The following CBFA2T2 variants were observed in gnomAD, a reference collection of about 807,000 sequenced individuals.
CBFA2T2 encodes CBFA2/RUNX1 partner transcriptional co-repressor 2.
Under a neutral mutation model 62.2 loss-of-function variants are expected in CBFA2T2, and 11 were observed. That is an observed-to-expected ratio of 0.18 (90% CI 0.11 to 0.29). The LOEUF (loss-of-function observed/expected upper bound fraction) is 0.29, where lower values mean the gene tolerates loss of function less well. Among genes scored for constraint, CBFA2T2 ranks in the 10% least tolerant of loss-of-function variants. The probability of loss-of-function intolerance (pLI) is 1.00; values close to 1 mark genes in which losing one functional copy is unlikely to be tolerated. For synonymous variants in CBFA2T2, 295 were observed against 287.5 expected (o/e 1.03, Z -0.27); for missense variants, 592 against 774.1 (o/e 0.76, Z 2.79).
chr20:33,613,532 T>C (rs1008166323), intron 3 of CBFA2T2, among the ~76,000 whole-genome samples: 9 of 152,214 alleles, frequency 5.9e-5, no homozygotes, highest in South Asian at 2.1e-4. Flanking sequence ...ATATATGCAG[T>C]GTTTCTGTCA....
intron 1 of CBFA2T2, among the ~76,000 whole-genome samples, chr20:33,548,942 G>T (rs903972936): frequency 6.6e-6 from 1 of 151,890 alleles, no homozygotes; most frequent in African/African-American, 2.4e-5. Context: ...CATCCTGGAT[G>T]ATAGAGCAAG....
At chr20:33,497,755 G>A (rs1206289745) in intron 1 of CBFA2T2, among the ~76,000 whole-genome samples, 1 of 151,820 alleles carries the variant, frequency 6.6e-6, no homozygotes, top group Non-Finnish European at 1.5e-5. Context: ...TCACCATGTT[G>A]GCCAGGCTAG....
rs952295595 is a variant in CBFA2T2 at position 33,491,681 on chromosome 20, GTACAGCA to G, written c.34+1382_34+1388del. Among the ~76,000 whole-genome samples the G allele has an allele frequency of 6.6e-5, 10 of 152,088 alleles. No homozygotes were observed. In the East Asian group the frequency reaches 1.4e-3, roughly 21 times the overall value. On this transcript the variant is annotated intron_variant, in intron 1 of 10. Transcript: ENST00000342704. The stretch of plus-strand genomic sequence containing the variant: ...TGATTACTCTTTTAGGCTTGCAAAG[GTACAGCA>G]TCTCTGTAAAATGAAAGGCTTTTTT...
chr20:33,499,533 CCTCTGT>C (rs2011244516), intron 1 of CBFA2T2, among the ~76,000 whole-genome samples: 1 of 152,170 alleles, frequency 6.6e-6, no homozygotes, highest in African/African-American at 2.4e-5. Context: ...TAGCTTTTTG[CCTCTGT>C]CTCTGGTTTC....
Position 33,644,377 on chromosome 20 carries a change from G to A in CBFA2T2, c.1519G>A (p.Glu507Lys), listed in dbSNP as rs773135856. ...NCWNCGRKAS[E>K]TCSGCNIARY... ...CTGGAACTGTGGCCGCAAAGCCAGC[G>A]AGACATGCAGTGGCTGCAATATCGC... The change falls in exon 11 of 11, where the codon GAG becomes AAG. Residue 507 changes from glutamate (E) to lysine (K), a missense_variant. Glu to Lys is a moderately conservative substitution (Grantham distance 56, BLOSUM62 1). Transcript: ENST00000342704. 35 of 1,612,732 alleles carry A rather than the reference G, an allele frequency of 2.2e-5. 1 individual carries two copies. Among genetic ancestry groups the A allele is most frequent in the South Asian group, 1.2e-4 (11 of 91,054 alleles).
intron 1 of CBFA2T2, among the ~76,000 whole-genome samples, chr20:33,513,694 A>G (rs796400133): frequency 4.8e-5 from 7 of 146,436 alleles, no homozygotes; most frequent in African/African-American, 1.7e-4. Flanking sequence ...GGTGCCTGTA[A>G]TCCCAGCTAC....
intron 1 of CBFA2T2, among the ~76,000 whole-genome samples, chr20:33,530,415 T>G (rs2012023403): frequency 1.3e-5 from 2 of 152,110 alleles, no homozygotes; most frequent in South Asian, 4.2e-4. Context: ...TTAGGTCTGA[T>G]GCCCATTGTT....
chr20:33,594,092 ATAGT>A lies in CBFA2T2; in HGVS notation c.35-12860_35-12857del, dbSNP rs1216638436. 4.6e-5 allele frequency among the ~76,000 whole-genome samples: 7 copies of A among 152,242 alleles called. No individual in the cohort carries two copies. The East Asian group carries it at 9.6e-4, about 21-fold the overall frequency. On this transcript the variant is annotated intron_variant, in intron 1 of 10. Coordinates refer to ENST00000342704, the MANE Select transcript of CBFA2T2 (RefSeq NM_001032999.3). ...GGGGTTAAAAGCAGAAGCAGAAAGA[ATAGT>A]TAGGAGGCAGATGAAGCAGTCCAGG...
chr20:33,612,866 G>A (rs1429528776), intron 3 of CBFA2T2, among the ~76,000 whole-genome samples: 1 of 152,166 alleles, frequency 6.6e-6, no homozygotes. Flanking sequence ...TGGGAGGATT[G>A]CTTGGATGCA....
At position 33,644,721 on chromosome 20, in the gene CBFA2T2, C is replaced by A. The variant is rs2016991236; in HGVS notation, c.*75C>A. On this transcript the variant is annotated 3_prime_UTR_variant, in exon 11 of 11. Coordinates refer to ENST00000342704, the MANE Select transcript of CBFA2T2 (RefSeq NM_001032999.3). ...GGGCTGAGGGACTGACTGTTGGAACCCGTGCATGTAGCTGCCGGGTCATCA... is the reference window on the plus strand; with the variant it reads ...GGGCTGAGGGACTGACTGTTGGAACACGTGCATGTAGCTGCCGGGTCATCA... 2.0e-6 allele frequency: 3 copies of A among 1,466,218 alleles called. No homozygotes were observed. Among genetic ancestry groups the A allele is most frequent in the Admixed American group, 4.3e-5 (2 of 46,822 alleles). 90.8% of individuals were successfully genotyped at this position (1,466,218 alleles called of 1,614,324 possible). A position where few individuals can be genotyped will look rare whatever the true frequency, so the allele number is the denominator to read the frequency against.
At chr20:33,563,032 T>A (rs2146894062) in intron 1 of CBFA2T2, among the ~76,000 whole-genome samples, 1 of 152,332 alleles carries the variant, frequency 6.6e-6, no homozygotes, top group South Asian at 2.1e-4. Context: ...GTATGCATAA[T>A]ACAAATAGGC....
chr20:33,541,332 A>G (rs1475971188), intron 1 of CBFA2T2, among the ~76,000 whole-genome samples: 4 of 152,232 alleles, frequency 2.6e-5, no homozygotes, highest in Non-Finnish European at 5.9e-5. Context: ...TCATGATTTT[A>G]GCAGGGAATG....
At chr20:33,574,029 T>G in intron 1 of CBFA2T2, 1 of 1,215,012 alleles carries the variant, frequency 8.2e-7, no homozygotes, top group East Asian at 3.0e-5. Flanking sequence ...GCTAAAGCGA[T>G]CTTCCCATGT....
At chr20:33,556,251 A>C (rs1215623363) in intron 1 of CBFA2T2, among the ~76,000 whole-genome samples, 2 of 151,892 alleles carry the variant, frequency 1.3e-5, no homozygotes, top group Admixed American at 6.6e-5. Flanking sequence ...GACCATTCCA[A>C]TTTTGAATAC....
chr20:33,542,115 A>G (rs1240693275), intron 1 of CBFA2T2, among the ~76,000 whole-genome samples: 1 of 152,172 alleles, frequency 6.6e-6, no homozygotes, highest in African/African-American at 2.4e-5. Flanking sequence ...TGGACCCCCT[A>G]TTCTGATTAC....
At chr20:33,517,484 C>T in intron 1 of CBFA2T2, among the ~76,000 whole-genome samples, 1 of 142,588 alleles carries the variant, frequency 7.0e-6, no homozygotes, top group Non-Finnish European at 1.5e-5. Context: ...GAGTCTCGCT[C>T]TGTTGTCCAG....
chr20:33,589,273 T>C (rs6120316), intron 1 of CBFA2T2, among the ~76,000 whole-genome samples: 44,878 of 152,056 alleles, frequency 0.3, 6,809 homozygotes, highest in East Asian at 0.35. Flanking sequence ...AGCAGCCAGT[T>C]GCAGAGGGGA....
chr20:33,490,442 C>G, intron 1 of CBFA2T2, 141 bp downstream of exon 1: 1 of 891,394 alleles, frequency 1.1e-6, no homozygotes, highest in Non-Finnish European at 1.5e-6. Flanking sequence ...TCCAAGGTCA[C>G]GCAGCGGGGC....
Position 33,647,227 on chromosome 20 carries a change from T to A in CBFA2T2, c.*2581T>A, listed in dbSNP as rs539567864. On this transcript the variant is annotated 3_prime_UTR_variant, in exon 11 of 11. Transcript: ENST00000342704. ...TCACAGAGCCATTACAACAGCTTACTAGTTTTTCATGGATTTGTTGGATTA... is the reference window on the plus strand; with the variant it reads ...TCACAGAGCCATTACAACAGCTTACAAGTTTTTCATGGATTTGTTGGATTA... 6.6e-6 allele frequency: 1 copy of A among 152,380 alleles called. No individual in the cohort carries two copies. The highest frequency in any genetic ancestry group is 2.4e-5 in the African/African-American group (1 of 41,590). The allele number at this position is 152,380 out of a possible 1,614,324, so 9.4% of individuals were successfully genotyped here.
Sources: allele counts gnomAD v4.1 joint callset (sites outside exome capture counted in the v4.1 genomes callset), GRCh38; gene constraint gnomAD v4.1.1; transcripts MANE v1.5; gene names NCBI Gene and HGNC (gene_info 2026-07-23, HGNC 2026-07-21).